ANKRD17: variants seen among roughly 807,000 people sequenced by gnomAD.
ANKRD17 encodes the protein ankyrin repeat domain-containing protein 17.
In ANKRD17, 19 loss-of-function variants were observed where a neutral mutation model predicts 229.7. The ratio of observed to expected loss-of-function variants is 0.08; its 90% CI spans 0.06 to 0.12. The LOEUF is 0.12. Ranked by LOEUF, ANKRD17 falls within the 10% of genes least tolerant of loss-of-function variation. ANKRD17 has a pLI of 1.00. For synonymous variants in ANKRD17, 1,112 were observed against 1,146.1 expected (o/e 0.97, Z 0.60); for missense variants, 2,176 against 3,176.8 (o/e 0.68, Z 7.57).
At chr4:73,251,607 T>C (rs535670596) in intron 1 of ANKRD17, among the ~76,000 whole-genome samples, 189 of 148,330 alleles carry the variant, frequency 1.3e-3, no homozygotes, top group African/African-American at 4.6e-3. Flanking sequence ...CTCCTACTGG[T>C]CCTAACAAAA....
chr4:73,244,618 C>T (rs1250591247), intron 1 of ANKRD17, among the ~76,000 whole-genome samples: 1 of 152,138 alleles, frequency 6.6e-6, no homozygotes, highest in Non-Finnish European at 1.5e-5. Flanking sequence ...ACCTGAAGGT[C>T]TACCTCTGGA....
At chr4:73,093,133 C>T (rs1722944491) in intron 28 of ANKRD17, among the ~76,000 whole-genome samples, 1 of 152,108 alleles carries the variant, frequency 6.6e-6, no homozygotes, top group Admixed American at 6.5e-5. Context: ...TAACTATTAG[C>T]TCTCCTATAT....
chr4:73,188,933 G>T (rs1175245581), intron 1 of ANKRD17, among the ~76,000 whole-genome samples: 1 of 152,054 alleles, frequency 6.6e-6, no homozygotes, highest in Non-Finnish European at 1.5e-5. Context: ...AAAATGGATG[G>T]TTTTCTAGAA....
chr4:73,143,307 G>A (rs943583224), intron 11 of ANKRD17, among the ~76,000 whole-genome samples: 3 of 151,908 alleles, frequency 2.0e-5, no homozygotes, highest in Non-Finnish European at 2.9e-5. Context: ...TGTTGTTTTC[G>A]TAGAAATGGG....
intron 30 of ANKRD17, among the ~76,000 whole-genome samples, chr4:73,082,174 AAG>A (rs1491082220): frequency 1.3e-5 from 2 of 148,586 alleles, no homozygotes; most frequent in African/African-American, 5.0e-5. Context: ...AAAAAAAAAA[AAG>A]GGGGGCCAAG....
intron 24 of ANKRD17, among the ~76,000 whole-genome samples, chr4:73,107,154 G>C (rs1234636086): frequency 6.6e-6 from 1 of 151,760 alleles, no homozygotes; most frequent in Non-Finnish European, 1.5e-5. Context: ...ATATATAGAG[G>C]GTCTAATATG....
intron 1 of ANKRD17, among the ~76,000 whole-genome samples, chr4:73,247,377 C>T (rs1744593681): frequency 6.6e-6 from 1 of 151,970 alleles, no homozygotes; most frequent in Non-Finnish European, 1.5e-5. Context: ...AGGAATCCAT[C>T]CCAAAGAAAT....
At chr4:73,176,959 T>C (rs1401446117) in intron 2 of ANKRD17, among the ~76,000 whole-genome samples, 1 of 152,170 alleles carries the variant, frequency 6.6e-6, no homozygotes, top group African/African-American at 2.4e-5. Flanking sequence ...GCAGGAGAGC[T>C]GAAACAAGAA....
rs951459612 is a variant in ANKRD17 at position 73,074,232 on chromosome 4, A to C, written c.*1999T>G. On this transcript the variant is annotated 3_prime_UTR_variant, in exon 34 of 34. Coordinates refer to ENST00000358602, the MANE Select transcript of ANKRD17 (RefSeq NM_032217.5). ...CTCACCTAAGAAATTCAGTATTGTG[A>C]AACAACACAACTCATGTGTTGTAAT... 3 of 151,978 alleles carry C rather than the reference A, an allele frequency of 2.0e-5. No homozygotes were observed. The highest frequency in any genetic ancestry group is 1.3e-4 in the Admixed American group (2 of 15,262). The allele number at this position is 151,978 out of a possible 1,614,324, so 9.4% of individuals were successfully genotyped here.
chr4:73,101,275 C>G, intron 25 of ANKRD17: 2 of 928,560 alleles, frequency 2.2e-6, no homozygotes, highest in Non-Finnish European at 2.6e-6. Flanking sequence ...AATCGATGAT[C>G]TGGATTGTAG....
intron 2 of ANKRD17, among the ~76,000 whole-genome samples, chr4:73,167,582 T>C (rs1192546865): frequency 6.6e-6 from 1 of 152,174 alleles, no homozygotes; most frequent in Non-Finnish European, 1.5e-5. Context: ...AGTCTTCTTG[T>C]CTTCAGGAGA....
chr4:73,082,481 C>A (rs1721676652), intron 30 of ANKRD17, among the ~76,000 whole-genome samples: 1 of 151,852 alleles, frequency 6.6e-6, no homozygotes, highest in Non-Finnish European at 1.5e-5. Flanking sequence ...GTGACAGAGA[C>A]AGAACTCGTG....
At chr4:73,141,317 C>A (rs1230411786) in intron 14 of ANKRD17, among the ~76,000 whole-genome samples, 1 of 151,938 alleles carries the variant, frequency 6.6e-6, no homozygotes, top group Non-Finnish European at 1.5e-5. Flanking sequence ...AAAAGGTATC[C>A]CAGATCAGAT....
intron 1 of ANKRD17, among the ~76,000 whole-genome samples, chr4:73,180,164 G>A (rs1735355667): frequency 6.6e-6 from 1 of 151,994 alleles, no homozygotes; most frequent in African/African-American, 2.4e-5. Flanking sequence ...TTAATCAAAG[G>A]TAGAGATCAG....
chr4:73,200,186 A>G (rs1327115503), intron 1 of ANKRD17, among the ~76,000 whole-genome samples: 1 of 152,204 alleles, frequency 6.6e-6, no homozygotes, highest in African/African-American at 2.4e-5. Flanking sequence ...GTCTGCTTCC[A>G]TTCAGTATTT....
At chr4:73,178,279 TTCACC>T (rs1281316242) in intron 1 of ANKRD17, among the ~76,000 whole-genome samples, 1 of 152,144 alleles carries the variant, frequency 6.6e-6, no homozygotes, top group Non-Finnish European at 1.5e-5. Context: ...AAAAGGCTAA[TTCACC>T]TCACATCTAA....
rs576562642 is a variant in ANKRD17, at chr4:73,238,090, T to TA, written c.393+20185dup. On this transcript the variant is annotated intron_variant, in intron 1 of 33. Transcript: ENST00000358602. ...TTTAAAATAAGGGATTCTCCTAAAT[T>TA]AAAAAAAAAAAAAACCAACCATCTC... 2.2e-3 allele frequency among the ~76,000 whole-genome samples: 304 copies of TA among 139,008 alleles called. 2 individuals are homozygous for TA. Among genetic ancestry groups the TA allele is most frequent in the Middle Eastern group, 7.3e-3 (2 of 274 alleles). The allele number at this position is 139,008 out of a possible 152,430, so 91.2% of individuals were successfully genotyped here. A position where few individuals can be genotyped will look rare whatever the true frequency, so the allele number is the denominator to read the frequency against.
chr4:73,114,923 A>G (rs946428307), intron 23 of ANKRD17, among the ~76,000 whole-genome samples: 2 of 152,206 alleles, frequency 1.3e-5, no homozygotes, highest in Non-Finnish European at 2.9e-5. Flanking sequence ...CTCCAAATCA[A>G]AATGTATGTC....
intron 1 of ANKRD17, among the ~76,000 whole-genome samples, chr4:73,239,468 T>G (rs1453351315): frequency 6.6e-6 from 1 of 152,190 alleles, no homozygotes. Context: ...AGGACTAAGA[T>G]AACTATATGT....
Sources: allele counts gnomAD v4.1 joint callset (sites outside exome capture counted in the v4.1 genomes callset), GRCh38; gene constraint gnomAD v4.1.1; transcripts MANE v1.5; gene names NCBI Gene and HGNC (gene_info 2026-07-23, HGNC 2026-07-21).